Variants in UNC80 observed in about 807,000 individuals in gnomAD.
The protein encoded by UNC80 is unc-80 subunit of NALCN channel complex, also known as protein unc-80 homolog.
UNC80 carries 164 observed loss-of-function variants against 384.6 expected under a neutral mutation model. That is an observed-to-expected ratio of 0.43 (90% CI 0.38 to 0.49). UNC80 has a LOEUF of 0.49. Ranked by LOEUF, UNC80 falls within the 20% of genes least tolerant of loss-of-function variation. UNC80 has a pLI of 0.00. For synonymous variants in UNC80, 1,486 were observed against 1,527.8 expected, an observed-to-expected ratio of 0.97 and a Z score of 0.64; for missense variants, 3,330 against 4,143.0, an observed-to-expected ratio of 0.80 and a Z score of 5.39.
At chr2:209,774,549 G>A (rs560934068) in intron 2 of UNC80, among the ~76,000 whole-genome samples, 168 of 152,174 alleles carry the variant, frequency 1.1e-3, no homozygotes, top group African/African-American at 3.9e-3. Context: ...TTGTATTAGT[G>A]ACACTTAATG....
At position 209,939,560 on chromosome 2, in the gene UNC80, A is replaced by C; in HGVS notation, c.6554A>C (p.His2185Pro). 1 of 1,551,670 alleles carries C rather than the reference A, an allele frequency of 6.4e-7. No individual in the cohort carries two copies. The highest frequency in any genetic ancestry group is 8.7e-7 in the Non-Finnish European group (1 of 1,146,926). The change falls in exon 43 of 65, where the codon CAC (histidine) becomes CCC (proline). Residue 2185 changes from histidine (H) to proline (P), a missense_variant. Physicochemically the swap from His to Pro is moderately conservative, Grantham distance 77. This residue lies in a region of UNC80 where 1,049 missense variants were observed against 1,488.6 expected (regional missense o/e 0.70). Coordinates refer to ENST00000673920, the MANE Select transcript of UNC80 (RefSeq NM_001371986.1). ...QKIPTAHKQSHVSMLQEDLLR... is the reference protein window; with the variant it reads ...QKIPTAHKQSPVSMLQEDLLR... ...ATCCCCACAGCCCACAAACAGTCCC[A>C]CGTCTCCATGCTTCAGGAAGACCTC... is the stretch of plus-strand genomic sequence containing the variant.
chr2:209,856,294 T>C (rs2082911899), intron 22 of UNC80, among the ~76,000 whole-genome samples: 1 of 152,178 alleles, frequency 6.6e-6, no homozygotes, highest in African/African-American at 2.4e-5. Context: ...ATTCTCTTAT[T>C]GGAAGATTAT....
At chr2:209,985,307 C>G (rs192763244) in intron 61 of UNC80, among the ~76,000 whole-genome samples, 1 of 152,210 alleles carries the variant, frequency 6.6e-6, no homozygotes, top group East Asian at 1.9e-4. Flanking sequence ...TCAAGAAGCC[C>G]CTTATTAAAT....
chr2:209,990,289 A>G (rs568296666), intron 61 of UNC80, among the ~76,000 whole-genome samples: 1 of 152,156 alleles, frequency 6.6e-6, no homozygotes, highest in Non-Finnish European at 1.5e-5. Context: ...TCTCTGCCCT[A>G]TTATTTTCAA....
chr2:209,814,886 A>G (rs894443938), intron 8 of UNC80, among the ~76,000 whole-genome samples: 5 of 152,108 alleles, frequency 3.3e-5, no homozygotes, highest in Non-Finnish European at 7.4e-5. Context: ...AGGAAATATA[A>G]TCTGTTTTAG....
chr2:209,926,482 A>T (rs2090444220), intron 35 of UNC80, among the ~76,000 whole-genome samples: 1 of 152,234 alleles, frequency 6.6e-6, no homozygotes, highest in South Asian at 2.1e-4. Flanking sequence ...TTGCATTAAA[A>T]TTATATTACT....
intron 26 of UNC80, among the ~76,000 whole-genome samples, chr2:209,888,492 A>T (rs1374226203): frequency 6.6e-6 from 1 of 152,200 alleles, no homozygotes; most frequent in Non-Finnish European, 1.5e-5. Flanking sequence ...TACAGCTATA[A>T]GATGAACCAT....
intron 22 of UNC80, among the ~76,000 whole-genome samples, chr2:209,850,939 A>G: frequency 6.6e-6 from 1 of 152,150 alleles, no homozygotes. Context: ...TGAGTCCTGC[A>G]TGGTTTGTCT....
At chr2:209,980,177 C>T (rs796833322) in intron 59 of UNC80, among the ~76,000 whole-genome samples, 18 of 152,262 alleles carry the variant, frequency 1.2e-4, no homozygotes, top group African/African-American at 4.3e-4. Context: ...AAAGGATCAG[C>T]AGTTTAAATA....
At chr2:209,805,633 A>G (rs1471579765) in intron 7 of UNC80, among the ~76,000 whole-genome samples, 2 of 152,240 alleles carry the variant, frequency 1.3e-5, no homozygotes, top group Non-Finnish European at 2.9e-5. Flanking sequence ...TGCTCATAAC[A>G]TAGAATCTGG....
At position 209,973,314 on chromosome 2, in the gene UNC80, G is replaced by A. The variant is rs1038833314; in HGVS notation, c.8587+44G>A. ...TCTCTCTCTGTTTGTGCATGTGTAT[G>A]TATATGTATGTGAAAATATATGTGT... On this transcript the variant is annotated intron_variant, in intron 56 of 64. Coordinates refer to ENST00000673920, the MANE Select transcript of UNC80 (RefSeq NM_001371986.1). 41 of 1,475,744 alleles carry A rather than the reference G, an allele frequency of 2.8e-5. No individual in the cohort carries two copies. In the Middle Eastern group the frequency reaches 7.0e-4, roughly 25 times the overall value. The allele number at this position is 1,475,744 out of a possible 1,614,324, so 91.4% of individuals were successfully genotyped here.
intron 60 of UNC80, 71 bp from the exon 61 acceptor site, chr2:209,984,785 C>CCTTTTTT (rs1372374431): frequency 5.7e-6 from 8 of 1,402,498 alleles, no homozygotes; most frequent in Admixed American, 2.6e-5. Flanking sequence ...AAATTGCATG[C>CCTTTTTT]CTTTTTTCTT....
At chr2:209,928,799 A>G (rs1190288465) in intron 36 of UNC80, among the ~76,000 whole-genome samples, 5 of 152,134 alleles carry the variant, frequency 3.3e-5, no homozygotes, top group African/African-American at 1.2e-4. Flanking sequence ...GTAATTTCTT[A>G]TCCATTAACC....
At chr2:209,808,720 A>T in intron 7 of UNC80, 1 of 83,820 alleles carries the variant, frequency 1.2e-5, no homozygotes, top group Non-Finnish European at 2.5e-5. Flanking sequence ...GAGCGGCTGC[A>T]CTCATTGCTC....
intron 45 of UNC80, among the ~76,000 whole-genome samples, chr2:209,944,374 T>C (rs7572197): frequency 0.1 from 15,238 of 152,254 alleles, 1,869 homozygotes; most frequent in African/African-American, 0.29. Flanking sequence ...TTCATTAACA[T>C]GAATTTCTAC....
In UNC80 at chr2:209,841,261, AT is replaced by A. The variant is rs1251329240; in HGVS notation, c.3357+616del. ...ATGTTTCCTTTTATGTGTACAAATT[AT>A]TTGCTTGCATTCTTTTGTTTTCTAA... On this transcript the variant is annotated intron_variant, in intron 20 of 64. Transcript: ENST00000673920. 3.7e-4 allele frequency among the ~76,000 whole-genome samples: 57 copies of A among 152,208 alleles called. 1 individual carries two copies. Among genetic ancestry groups the A allele is most frequent in the African/African-American group, 1.4e-3 (57 of 41,518 alleles).
intron 13 of UNC80, among the ~76,000 whole-genome samples, chr2:209,823,905 A>G (rs2080317663): frequency 6.6e-6 from 1 of 152,138 alleles, no homozygotes; most frequent in African/African-American, 2.4e-5. Context: ...CCAAGATCTG[A>G]AACTTTTTGA....
intron 7 of UNC80, among the ~76,000 whole-genome samples, chr2:209,810,637 G>C (rs1377611591): frequency 6.6e-6 from 1 of 152,136 alleles, no homozygotes; most frequent in East Asian, 1.9e-4. Context: ...CTAGGGATTT[G>C]AAGTAATTTA....
chr2:209,810,065 C>T (rs576918756), intron 7 of UNC80, among the ~76,000 whole-genome samples: 1 of 152,070 alleles, frequency 6.6e-6, no homozygotes, highest in African/African-American at 2.4e-5. Context: ...AGCCATGGGG[C>T]CTTCGAAGGC....
Sources: gnomAD v4.1 joint callset for allele counts (sites outside exome capture counted in the v4.1 genomes callset) on GRCh38, gnomAD v4.1.1 for gene constraint, gnomAD v4.1.1 regional missense constraint, MANE v1.5 for transcripts, NCBI Gene and HGNC (gene_info 2026-07-23, HGNC 2026-07-21) for gene names.